The following BCL10 variants were observed in gnomAD, a reference collection of about 807,000 sequenced individuals.
BCL10 encodes B-cell lymphoma/leukemia 10.
Under a neutral mutation model 19.2 loss-of-function variants are expected in BCL10, and 5 were observed. The observed-to-expected ratio is 0.26, with a 90% CI of 0.14 to 0.55. The LOEUF (loss-of-function observed/expected upper bound fraction) is 0.55. Ranked by LOEUF, BCL10 falls within the 20% of genes least tolerant of loss-of-function variation. The pLI is 0.94. For missense variants in BCL10, 201 were observed against 271.9 expected (o/e 0.74, Z 1.83); for synonymous variants, 110 against 98.8 (o/e 1.11, Z -0.67).
chr1:85,273,611 T>G (rs1660425675), intron 1 of BCL10, among the ~76,000 whole-genome samples: 1 of 148,104 alleles, frequency 6.8e-6, no homozygotes, highest in Non-Finnish European at 1.5e-5. Context: ...GACATTTCCA[T>G]GTACTAATCT....
chr1:85,276,423 G>C lies in BCL10; in HGVS notation c.-71C>G. On this transcript the variant is annotated 5_prime_UTR_variant, in exon 1 of 3. Transcript: ENST00000648566. ...CTGCGCCGCCCCGCCCTGGCTGGGG[G>C]CTTCGGCCTCCGGGTAATGGGGAAG... is the stretch of plus-strand genomic sequence containing the variant. 2 of 1,546,072 alleles carry C rather than the reference G, an allele frequency of 1.3e-6. No homozygotes were observed. The highest frequency in any genetic ancestry group is 1.1e-5 in the South Asian group (1 of 89,364).
In BCL10 at chr1:85,266,876, C is replaced by CAA. The variant is rs71650007; in HGVS notation, c.*749_*750dup. On this transcript the variant is annotated 3_prime_UTR_variant, in exon 3 of 3. Coordinates refer to ENST00000648566, the MANE Select transcript of BCL10 (RefSeq NM_003921.5). ...CCTGGGCGATAGAGCAAGACTGTCTCAAAAAAAAAAAAAAAAAAAAAAGAA... is the reference window on the plus strand; with the variant it reads ...CCTGGGCGATAGAGCAAGACTGTCTCAAAAAAAAAAAAAAAAAAAAAAAAGAA... The CAA allele has an allele frequency of 0.021, 1,889 of 88,270 alleles. 34 individuals carry two copies. Among genetic ancestry groups the CAA allele is most frequent in the African/African-American group, 0.054 (1,095 of 20,444 alleles). The allele number at this position is 88,270 out of a possible 1,614,324, so 5.5% of individuals were successfully genotyped here.
At chr1:85,272,420 T>C (rs918461356) in intron 1 of BCL10, among the ~76,000 whole-genome samples, 16 of 151,258 alleles carry the variant, frequency 1.1e-4, no homozygotes, top group African/African-American at 3.9e-4. Context: ...TTTTTTTTTT[T>C]TGTAGAGAAG....
chr1:85,268,831 C>T (rs894028930), intron 2 of BCL10, among the ~76,000 whole-genome samples: 1 of 151,552 alleles, frequency 6.6e-6, no homozygotes, highest in African/African-American at 2.4e-5. Flanking sequence ...TCCAACATTC[C>T]AGGACTACTT....
At chr1:85,269,558 T>C (rs182239041) in intron 2 of BCL10, among the ~76,000 whole-genome samples, 3 of 152,350 alleles carry the variant, frequency 2.0e-5, no homozygotes, top group African/African-American at 7.2e-5. Context: ...TTCTTAGATA[T>C]GGCTCAAAAG....
At chr1:85,273,351 T>A (rs909716137) in intron 1 of BCL10, among the ~76,000 whole-genome samples, 2 of 152,214 alleles carry the variant, frequency 1.3e-5, no homozygotes, top group African/African-American at 4.8e-5. Flanking sequence ...AATTGTTACA[T>A]GAATACCACA....
chr1:85,266,873 T>C lies in BCL10; in HGVS notation c.*754A>G, dbSNP rs1157801397. 1 of 97,686 alleles carries C rather than the reference T, an allele frequency of 1.0e-5. No individual in the cohort carries two copies. Among genetic ancestry groups the C allele is most frequent in the African/African-American group, 5.3e-5 (1 of 18,944 alleles). 6.1% of individuals were successfully genotyped at this position (97,686 alleles called of 1,614,324 possible). A position where few individuals can be genotyped will look rare whatever the true frequency, so the allele number is the denominator to read the frequency against. ...CAGCCTGGGCGATAGAGCAAGACTG[T>C]CTCAAAAAAAAAAAAAAAAAAAAAA... On this transcript the variant is annotated 3_prime_UTR_variant, in exon 3 of 3. Coordinates refer to ENST00000648566, the MANE Select transcript of BCL10 (RefSeq NM_003921.5).
chr1:85,268,751 A>G (rs1424381624), intron 2 of BCL10, among the ~76,000 whole-genome samples: 3 of 148,026 alleles, frequency 2.0e-5, no homozygotes, highest in Admixed American at 1.4e-4. Flanking sequence ...CTGGGTGACA[A>G]GAGCAAGACT....
chr1:85,267,628 C>A lies in BCL10; in HGVS notation c.701G>T (p.Ter234LeuextTer6). ...PLRSRTVSRQ* is the reference protein window; with the variant it reads ...PLRSRTVSRQL ...TAAAAATTAAAAGGCAATAAAGTGT[C>A]ATTGTCGTGAAACAGTACGTGATCT... Residue 234 changes from the stop codon to leucine (L), a stop_lost, in exon 3 of 3, where the codon TGA becomes TTA. Transcript: ENST00000648566. 6.4e-7 allele frequency: 1 copy of A among 1,565,960 alleles called. No individual in the cohort carries two copies. The highest frequency in any genetic ancestry group is 1.2e-5 in the South Asian group (1 of 84,164).
intron 1 of BCL10, among the ~76,000 whole-genome samples, chr1:85,273,137 A>G (rs1557788280): frequency 6.6e-6 from 1 of 152,014 alleles, no homozygotes; most frequent in Non-Finnish European, 1.5e-5. Flanking sequence ...TCCTTGTAGC[A>G]CCTTGTGTAT....
At chr1:85,268,175 T>C (rs943221139) in intron 2 of BCL10, among the ~76,000 whole-genome samples, 193 bp from the exon 3 acceptor site, 1 of 152,242 alleles carries the variant, frequency 6.6e-6, no homozygotes, top group African/African-American at 2.4e-5. Flanking sequence ...TACTATTATT[T>C]GCATTTTCTA....
chr1:85,269,772 C>T (rs1660319495), intron 2 of BCL10, among the ~76,000 whole-genome samples: 1 of 152,226 alleles, frequency 6.6e-6, no homozygotes, highest in South Asian at 2.1e-4. Flanking sequence ...GGCAATTCCA[C>T]ACAATATTCC....
chr1:85,270,520 T>G (rs1660341344), intron 2 of BCL10, 98 bp downstream of exon 2: 1 of 1,095,460 alleles, frequency 9.1e-7, no homozygotes, highest in African/African-American at 1.6e-5. Flanking sequence ...GCAATCCTCC[T>G]GCCTTGGCCT....
At chr1:85,275,132 C>T (rs1660481488) in intron 1 of BCL10, among the ~76,000 whole-genome samples, 1 of 152,196 alleles carries the variant, frequency 6.6e-6, no homozygotes, top group Non-Finnish European at 1.5e-5. Flanking sequence ...AGGCCTAGCT[C>T]TTGGAAGTTC....
intron 1 of BCL10, among the ~76,000 whole-genome samples, chr1:85,271,483 T>C (rs1347438003): frequency 6.6e-6 from 1 of 152,034 alleles, no homozygotes; most frequent in Non-Finnish European, 1.5e-5. Flanking sequence ...GATGGAAAGA[T>C]GTGTGGGGAA....
At chr1:85,268,809 A>G (rs1449292389) in intron 2 of BCL10, among the ~76,000 whole-genome samples, 1 of 151,836 alleles carries the variant, frequency 6.6e-6, no homozygotes, top group Non-Finnish European at 1.5e-5. Context: ...GGCACAGGAC[A>G]GTTAAGTCAT....
chr1:85,276,384 T>C lies in BCL10; in HGVS notation c.-32A>G. ...GGCGGGAGATGGCGCTTCTTCCGGGTCCGGGAGCTCGGGCTGCGCCGCCCC... is the reference window on the plus strand; with the variant it reads ...GGCGGGAGATGGCGCTTCTTCCGGGCCCGGGAGCTCGGGCTGCGCCGCCCC... On this transcript the variant is annotated 5_prime_UTR_variant, in exon 1 of 3. Transcript: ENST00000648566. The C allele has an allele frequency of 6.2e-7, 1 of 1,612,260 alleles. No homozygotes were observed. The highest frequency in any genetic ancestry group is 8.5e-7 in the Non-Finnish European group (1 of 1,178,858).
At chr1:85,268,035 C>G (rs1449342241) in intron 2 of BCL10, 53 bp from the exon 3 acceptor site, 1 of 1,231,370 alleles carries the variant, frequency 8.1e-7, no homozygotes, top group African/African-American at 1.5e-5. Flanking sequence ...AAAATGGAGT[C>G]ACTGTCCATC....
At chr1:85,273,256 C>A (rs1660414923) in intron 1 of BCL10, among the ~76,000 whole-genome samples, 1 of 152,130 alleles carries the variant, frequency 6.6e-6, no homozygotes, top group Admixed American at 6.5e-5. Context: ...TCACCAATGA[C>A]CCCCTTATTG....
Sources: gnomAD v4.1 joint callset for allele counts (sites outside exome capture counted in the v4.1 genomes callset) on GRCh38, gnomAD v4.1.1 for gene constraint, MANE v1.5 for transcripts, NCBI Gene and HGNC (gene_info 2026-07-23, HGNC 2026-07-21) for gene names.